Variants in FGF13 observed in about 807,000 individuals in gnomAD.
FGF13 encodes fibroblast growth factor homologous factor 2.
In FGF13, 2 loss-of-function variants were observed where a neutral mutation model predicts 19.5. The ratio of observed to expected loss-of-function variants is 0.10; its 90% CI spans 0.04 to 0.32. FGF13 has a LOEUF of 0.32. Among genes scored for constraint, FGF13 ranks in the 10% least tolerant of loss-of-function variants. The pLI, the probability that FGF13 is intolerant of heterozygous loss-of-function variation, is 1.00. For missense variants in FGF13, 113 were observed against 192.7 expected (o/e 0.59, Z 2.45); for synonymous variants, 72 against 76.9 (o/e 0.94, Z 0.33).
rs1178747063 is a variant in FGF13 at position 138,616,050 on chromosome X, A to G, written c.*16800T>C. 2.7e-5 allele frequency: 3 copies of G among 111,519 alleles called. No homozygotes were observed. The allele number at this position is 111,519 out of a possible 1,213,427, so 9.2% of individuals were successfully genotyped here. A position where few individuals can be genotyped will look rare whatever the true frequency, so the allele number is the denominator to read the frequency against. On this transcript the variant is annotated 3_prime_UTR_variant, in exon 5 of 5. Transcript: ENST00000315930. Reference sequence around the variant, plus strand: ...GGGTGGGAACACAAAACCAAACCATATCATTCTGACCCTAGTTCCTCCCAA... The same window carrying G: ...GGGTGGGAACACAAAACCAAACCATGTCATTCTGACCCTAGTTCCTCCCAA...
In FGF13 at chrX:138,879,900, G is replaced by A. The variant is rs749127941; in HGVS notation, c.-112-15250C>T. ...TCATCAGAGTGAACAGGCAACCTAC[G>A]GAATGGGAAAACATTTTTGCAGTCT... On this transcript the variant is annotated intron_variant, in intron 1 of 2. Coordinates refer to the FGF13 transcript ENST00000421460. Among the ~76,000 whole-genome samples the A allele has an allele frequency of 9.9e-5, 11 of 111,226 alleles. No homozygotes were observed. The South Asian group carries it at 3.4e-3, about 34-fold the overall frequency.
At chrX:138,862,964 C>T (rs1030110354) in intron 2 of FGF13, among the ~76,000 whole-genome samples, 1 of 110,629 alleles carries the variant, frequency 9.0e-6, no homozygotes, top group African/African-American at 3.3e-5. Flanking sequence ...TGGCCCCTCA[C>T]CTCCTCAATT....
intron 1 of FGF13, among the ~76,000 whole-genome samples, chrX:139,031,518 C>A (rs1309591443): frequency 9.0e-6 from 1 of 111,093 alleles, no homozygotes; most frequent in African/African-American, 3.3e-5. Context: ...TAGGCAATAT[C>A]ATTACTCCCA....
chrX:138,976,442 AG>A (rs2091940051), intron 1 of FGF13, among the ~76,000 whole-genome samples: 1 of 111,752 alleles, frequency 8.9e-6, no homozygotes, highest in Non-Finnish European at 1.9e-5. Context: ...GAAGTAACTC[AG>A]GAATGGAAAA....
At chrX:138,738,337 A>G (rs1286827397) in intron 1 of FGF13, among the ~76,000 whole-genome samples, 1 of 112,447 alleles carries the variant, frequency 8.9e-6, no homozygotes, top group Non-Finnish European at 1.9e-5. Context: ...CAGGTTCAAC[A>G]ATAAAGCAAG....
chrX:138,955,188 G>A (rs1456733384), intron 1 of FGF13, among the ~76,000 whole-genome samples: 1 of 113,095 alleles, frequency 8.8e-6, no homozygotes, highest in African/African-American at 3.2e-5. Flanking sequence ...TAAAGAACAC[G>A]TGCTCAAGCA....
chrX:138,905,310 G>T (rs2091551956), intron 1 of FGF13, among the ~76,000 whole-genome samples: 1 of 111,873 alleles, frequency 8.9e-6, no homozygotes. Context: ...ATTTAATTAG[G>T]TAATTATAAT....
intron 1 of FGF13, 118 bp downstream of exon 1, chrX:138,710,699 T>G: frequency 2.5e-5 from 27 of 1,094,039 alleles, no homozygotes; most frequent in Admixed American, 8.5e-5. Context: ...ACAGGCTAGG[T>G]GGCCTCTTCT....
chrX:139,145,456 A>G (rs188645823), intron 1 of FGF13, among the ~76,000 whole-genome samples: 2 of 111,617 alleles, frequency 1.8e-5, no homozygotes, highest in African/African-American at 3.3e-5. Flanking sequence ...AATTAGTTCA[A>G]TAAAGCTATT....
chrX:138,977,249 C>T (rs2091943315), intron 1 of FGF13, among the ~76,000 whole-genome samples: 1 of 111,544 alleles, frequency 9.0e-6, no homozygotes, highest in Non-Finnish European at 1.9e-5. Context: ...GTTTTCTTGA[C>T]GTATATTAAG....
Position 138,729,091 on chromosome X carries a change from A to G in FGF13, c.28+10151T>C, listed in dbSNP as rs146899017. ...TACTTCAGTTTCTGTTCTTTTACAC[A>G]TAGTGACTTGCCTTCAAGTAGAAAT... On this transcript the variant is annotated intron_variant, in intron 1 of 4. Transcript: ENST00000305414. Among the ~76,000 whole-genome samples, 548 of 111,759 alleles carry G rather than the reference A, an allele frequency of 4.9e-3. 11 individuals carry two copies. Among genetic ancestry groups the G allele is most frequent in the Admixed American group, 0.045 (474 of 10,487 alleles).
chrX:139,041,028 G>A (rs1342973891), intron 1 of FGF13, among the ~76,000 whole-genome samples: 1 of 89,718 alleles, frequency 1.1e-5, no homozygotes, highest in East Asian at 3.9e-4. Flanking sequence ...ACACATCGGG[G>A]GAACAACACA....
chrX:139,004,021 A>G (rs2092088049), intron 1 of FGF13, among the ~76,000 whole-genome samples: 1 of 112,071 alleles, frequency 8.9e-6, no homozygotes, highest in African/African-American at 3.2e-5. Flanking sequence ...TGCGCCGTGC[A>G]CTCGCATTCC....
At chrX:139,137,107 A>C (rs925301954) in intron 1 of FGF13, among the ~76,000 whole-genome samples, 2 of 112,239 alleles carry the variant, frequency 1.8e-5, no homozygotes, top group African/African-American at 6.5e-5. Flanking sequence ...CTGGAACATA[A>C]GCATTATTAT....
At chrX:139,126,776 G>A (rs962170292) in intron 1 of FGF13, among the ~76,000 whole-genome samples, 2 of 111,423 alleles carry the variant, frequency 1.8e-5, no homozygotes, top group African/African-American at 3.3e-5. Context: ...ATCCCTGCAA[G>A]CCTCAAGCCC....
chrX:139,171,049 C>T (rs2084128476), intron 1 of FGF13, among the ~76,000 whole-genome samples: 1 of 111,295 alleles, frequency 9.0e-6, no homozygotes, highest in African/African-American at 3.3e-5. Context: ...TCCAGGAAGC[C>T]TTCCCTGAGT....
chrX:139,030,410 A>C (rs2092222045), intron 1 of FGF13, among the ~76,000 whole-genome samples: 1 of 111,600 alleles, frequency 9.0e-6, no homozygotes, highest in Non-Finnish European at 1.9e-5. Flanking sequence ...ATTTGTATTT[A>C]TGTGTGCCTG....
intron 1 of FGF13, among the ~76,000 whole-genome samples, chrX:139,040,017 A>C (rs190488073): frequency 5.3e-5 from 6 of 112,481 alleles, no homozygotes; most frequent in Admixed American, 9.4e-5. Context: ...GGTTTGTTTA[A>C]TAGTATGGCC....
At chrX:138,695,652 G>C (rs1417693543) in intron 3 of FGF13, among the ~76,000 whole-genome samples, 1 of 111,701 alleles carries the variant, frequency 9.0e-6, no homozygotes, top group Non-Finnish European at 1.9e-5. Flanking sequence ...GATATATGGA[G>C]TCATTTGTAC....
Sources: allele counts gnomAD v4.1 joint callset (sites outside exome capture counted in the v4.1 genomes callset), GRCh38; gene constraint gnomAD v4.1.1; transcripts MANE v1.5; gene names NCBI Gene and HGNC (gene_info 2026-07-23, HGNC 2026-07-21).